KSR2: variants seen among roughly 807,000 people sequenced by gnomAD.
KSR2 encodes kinase suppressor of ras 2.
Under a neutral mutation model 107.8 loss-of-function variants are expected in KSR2, and 25 were observed. The ratio of observed to expected loss-of-function variants is 0.23; its 90% CI spans 0.17 to 0.32. The LOEUF is 0.32. Among genes scored for constraint, KSR2 ranks in the 10% least tolerant of loss-of-function variants. The probability of loss-of-function intolerance (pLI) is 1.00; values close to 1 mark genes in which losing one functional copy is unlikely to be tolerated. For synonymous variants in KSR2, 480 were observed against 507.0 expected (o/e 0.95, Z 0.71); for missense variants, 887 against 1,268.9 (o/e 0.70, Z 4.57).
intron 1 of KSR2, among the ~76,000 whole-genome samples, chr12:117,873,976 A>C (rs1408983096): frequency 6.6e-6 from 1 of 152,224 alleles, no homozygotes; most frequent in African/African-American, 2.4e-5. Flanking sequence ...CAAAGTGAGC[A>C]CTGGATGTTG....
At chr12:117,713,072 T>C (rs1886849066) in intron 4 of KSR2, among the ~76,000 whole-genome samples, 2 of 149,528 alleles carry the variant, frequency 1.3e-5, no homozygotes, top group South Asian at 2.1e-4. Context: ...TATACTTATA[T>C]AGATAGATTA....
chr12:117,677,637 A>G (rs1044203843), intron 4 of KSR2, among the ~76,000 whole-genome samples: 1 of 152,200 alleles, frequency 6.6e-6, no homozygotes, highest in Admixed American at 6.5e-5. Context: ...CAAACAAGAA[A>G]AATACCTACC....
At position 117,684,991 on chromosome 12, in the gene KSR2, C is replaced by T. The variant is rs117517711; in HGVS notation, c.987-17333G>A. On this transcript the variant is annotated intron_variant, in intron 4 of 19. Coordinates refer to ENST00000339824, the MANE Select transcript of KSR2 (RefSeq NM_173598.6). ...TTAGCCAAGGAGAATCAATCTTAGACTCGCAATCTGGGAGGGGAGGGGTAG... is the reference window on the plus strand; with the variant it reads ...TTAGCCAAGGAGAATCAATCTTAGATTCGCAATCTGGGAGGGGAGGGGTAG... Among the ~76,000 whole-genome samples, 1,147 of 152,258 alleles carry T rather than the reference C, an allele frequency of 7.5e-3. 6 individuals are homozygous for T. Among genetic ancestry groups the T allele is most frequent in the Non-Finnish European group, 0.012 (783 of 68,018 alleles).
chr12:117,865,144 G>A (rs1296849287), intron 1 of KSR2, among the ~76,000 whole-genome samples: 2 of 152,014 alleles, frequency 1.3e-5, no homozygotes, highest in Non-Finnish European at 2.9e-5. Flanking sequence ...TTCTTTAAAA[G>A]CCAAATATAT....
At chr12:117,524,830 T>A (rs768591577) in intron 14 of KSR2, 22 bp downstream of exon 14, 1 of 1,580,064 alleles carries the variant, frequency 6.3e-7, no homozygotes, top group Admixed American at 1.8e-5. Flanking sequence ...AATCCCTGGG[T>A]AGAAGCCCAG....
chr12:117,623,693 T>C (rs1396436449), intron 5 of KSR2, among the ~76,000 whole-genome samples: 6 of 152,256 alleles, frequency 3.9e-5, no homozygotes, highest in African/African-American at 1.4e-4. Flanking sequence ...TAAACATACA[T>C]GTGCATGTGT....
In KSR2 at chr12:117,458,224, G is replaced by C. The variant is rs897123487; in HGVS notation, c.*8975C>G. On this transcript the variant is annotated 3_prime_UTR_variant, in exon 20 of 20. Transcript: ENST00000339824. ...AAACCCAGAATGCCAGCATCTGTGT[G>C]AGGACACAAAGACCTCTCTTCTACC... The C allele has an allele frequency of 6.6e-6, 1 of 152,190 alleles. No individual in the cohort carries two copies. Among genetic ancestry groups the C allele is most frequent in the Non-Finnish European group, 1.5e-5 (1 of 68,048 alleles). The allele number at this position is 152,190 out of a possible 1,614,324, so 9.4% of individuals were successfully genotyped here.
intron 4 of KSR2, among the ~76,000 whole-genome samples, chr12:117,671,112 C>T (rs1393173686): frequency 5.3e-5 from 8 of 152,208 alleles, no homozygotes; most frequent in Non-Finnish European, 1.5e-5. Flanking sequence ...GTCTCCACCA[C>T]CTGGAATACC....
At chr12:117,544,305 T>C (rs1290777874) in intron 9 of KSR2, among the ~76,000 whole-genome samples, 2 of 152,206 alleles carry the variant, frequency 1.3e-5, no homozygotes, top group African/African-American at 4.8e-5. Flanking sequence ...TTCCATATGT[T>C]AATTGCTAGT....
chr12:117,756,871 A>G (rs1888811666), intron 4 of KSR2, among the ~76,000 whole-genome samples: 1 of 152,140 alleles, frequency 6.6e-6, no homozygotes, highest in Non-Finnish European at 1.5e-5. Flanking sequence ...TTTGGCCAAC[A>G]TGATGAAACT....
chr12:117,535,561 T>C (rs1361603343), intron 10 of KSR2, among the ~76,000 whole-genome samples: 2 of 151,854 alleles, frequency 1.3e-5, no homozygotes, highest in East Asian at 3.9e-4. Flanking sequence ...TTCCACCTCC[T>C]TTCTTCTCCC....
chr12:117,908,426 A>G (rs912933890), intron 1 of KSR2, among the ~76,000 whole-genome samples: 1 of 152,212 alleles, frequency 6.6e-6, no homozygotes, highest in Non-Finnish European at 1.5e-5. Context: ...TCAAAATAAA[A>G]TATTCCTAAA....
At chr12:117,826,813 A>G (rs1024963118) in intron 3 of KSR2, among the ~76,000 whole-genome samples, 2 of 152,050 alleles carry the variant, frequency 1.3e-5, no homozygotes, top group Non-Finnish European at 2.9e-5. Flanking sequence ...AGCTGGGCGC[A>G]GTGGCTCATG....
Position 117,853,655 on chromosome 12 carries a change from TA to T in KSR2, c.472+1772del, listed in dbSNP as rs988888041. Among the ~76,000 whole-genome samples, 3 of 152,108 alleles carry T rather than the reference TA, an allele frequency of 2.0e-5. No individual in the cohort carries two copies. The East Asian group carries it at 5.8e-4, about 29-fold the overall frequency. ...CCATGCCTAGCCTGCAATTTTTTTTTAAAGAGAGAAAACTGCCATCTGCTTC... is the reference window on the plus strand; with the variant it reads ...CCATGCCTAGCCTGCAATTTTTTTTTAAGAGAGAAAACTGCCATCTGCTTC... On this transcript the variant is annotated intron_variant, in intron 3 of 19. Transcript: ENST00000339824.
At chr12:117,574,193 GTT>G (rs60267170) in intron 7 of KSR2, among the ~76,000 whole-genome samples, 308 of 140,312 alleles carry the variant, frequency 2.2e-3, no homozygotes, top group East Asian at 7.5e-3. Context: ...CCAGAAAACT[GTT>G]TTTTTTTTTC....
At chr12:117,833,845 A>C (rs888826557) in intron 3 of KSR2, among the ~76,000 whole-genome samples, 1 of 152,078 alleles carries the variant, frequency 6.6e-6, no homozygotes, top group Non-Finnish European at 1.5e-5. Flanking sequence ...AAAAAATCAC[A>C]GTATCTTGTC....
intron 1 of KSR2, among the ~76,000 whole-genome samples, chr12:117,888,303 A>ATTT (rs1894238355): frequency 6.6e-6 from 1 of 152,226 alleles, no homozygotes; most frequent in Non-Finnish European, 1.5e-5. Context: ...ATACAAATAA[A>ATTT]TGTTCCACCA....
chr12:117,861,448 G>GCACGAT (rs1893289872), intron 1 of KSR2, among the ~76,000 whole-genome samples: 1 of 138,734 alleles, frequency 7.2e-6, no homozygotes, highest in Non-Finnish European at 1.5e-5. Flanking sequence ...GAGTGCAGTG[G>GCACGAT]CGTGATCTCG....
intron 5 of KSR2, among the ~76,000 whole-genome samples, chr12:117,594,504 G>A (rs1393812954): frequency 6.6e-6 from 1 of 152,160 alleles, no homozygotes; most frequent in African/African-American, 2.4e-5. Context: ...CAGTCTTTCT[G>A]AAGCATCCCA....
Sources: gnomAD v4.1 joint callset for allele counts (sites outside exome capture counted in the v4.1 genomes callset) on GRCh38, gnomAD v4.1.1 for gene constraint, MANE v1.5 for transcripts, NCBI Gene and HGNC (gene_info 2026-07-23, HGNC 2026-07-21) for gene names.